CIAPIN1: variants seen among roughly 807,000 people sequenced by gnomAD.
CIAPIN1 encodes the protein cytokine induced apoptosis inhibitor 1, also known as anamorsin.
CIAPIN1 carries 18 observed loss-of-function variants against 34.3 expected under a neutral mutation model. The observed-to-expected ratio is 0.52, with a 90% CI of 0.36 to 0.78. CIAPIN1 has a LOEUF of 0.78. Among genes scored for constraint, CIAPIN1 ranks in the 30% least tolerant of loss-of-function variants. The pLI is 0.00. For synonymous variants in CIAPIN1, 131 were observed against 140.4 expected (o/e 0.93, Z 0.47); for missense variants, 310 against 372.5 (o/e 0.83, Z 1.38).
intron 1 of CIAPIN1, among the ~76,000 whole-genome samples, chr16:57,442,277 T>C (rs1903349415): frequency 6.6e-6 from 1 of 151,930 alleles, no homozygotes; most frequent in African/African-American, 2.4e-5. Flanking sequence ...ACCTGGGAGA[T>C]GGAGGTTGCA....
At chr16:57,441,504 A>G (rs560640190) in intron 1 of CIAPIN1, 2 of 152,404 alleles carry the variant, frequency 1.3e-5, no homozygotes, top group South Asian at 4.1e-4. Flanking sequence ...AATACTTACT[A>G]TGTCTGTACC....
intron 4 of CIAPIN1, among the ~76,000 whole-genome samples, chr16:57,435,520 G>T (rs1215221696): frequency 6.6e-6 from 1 of 152,140 alleles, no homozygotes; most frequent in Non-Finnish European, 1.5e-5. Flanking sequence ...AGAATCTAAG[G>T]CCTGGCTCAC....
chr16:57,434,341 C>T, intron 4 of CIAPIN1, 129 bp from the exon 5 acceptor site: 1 of 777,876 alleles, frequency 1.3e-6, no homozygotes, highest in East Asian at 2.6e-5. Context: ...TAACAGATAA[C>T]ACTTTATGCC....
At chr16:57,441,084 T>G in intron 1 of CIAPIN1, 101 bp from the exon 2 acceptor site, 4 of 671,334 alleles carry the variant, frequency 6.0e-6, no homozygotes, top group South Asian at 2.1e-5. Flanking sequence ...GCTGACAACA[T>G]TAGAAACTCT....
intron 1 of CIAPIN1, among the ~76,000 whole-genome samples, chr16:57,446,186 C>G (rs1284813037): frequency 6.6e-6 from 1 of 152,082 alleles, no homozygotes; most frequent in African/African-American, 2.4e-5. Flanking sequence ...AGGAACGTCT[C>G]CAGGCATTTG....
chr16:57,434,585 A>T (rs1282319505), intron 4 of CIAPIN1, among the ~76,000 whole-genome samples: 1 of 152,194 alleles, frequency 6.6e-6, no homozygotes, highest in African/African-American at 2.4e-5. Context: ...CAAAAGAAAA[A>T]GGGGGAGGAA....
At chr16:57,436,568 A>C in intron 4 of CIAPIN1, 88 bp downstream of exon 4, 1 of 1,015,272 alleles carries the variant, frequency 9.8e-7, no homozygotes, top group Non-Finnish European at 1.5e-6. Flanking sequence ...CATGTATCTT[A>C]CATGCACAGC....
intron 3 of CIAPIN1, 151 bp from the exon 4 acceptor site, chr16:57,436,883 C>A: frequency 2.0e-6 from 1 of 490,244 alleles, no homozygotes; most frequent in East Asian, 3.8e-5. Context: ...CTTTGGGAGG[C>A]TGAGGTGGAC....
At chr16:57,433,168 C>T (rs1362700679) in intron 5 of CIAPIN1, among the ~76,000 whole-genome samples, 2 of 152,214 alleles carry the variant, frequency 1.3e-5, no homozygotes, top group African/African-American at 4.8e-5. Context: ...ACAAACCTCA[C>T]ACTTCCTGGT....
intron 2 of CIAPIN1, among the ~76,000 whole-genome samples, chr16:57,440,232 A>T (rs777196838): frequency 5.3e-5 from 8 of 152,194 alleles, no homozygotes; most frequent in Non-Finnish European, 1.0e-4. Flanking sequence ...TTTTAGTCAG[A>T]CCAGCTGTCT....
intron 6 of CIAPIN1, among the ~76,000 whole-genome samples, chr16:57,431,869 A>G (rs1391317271): frequency 2.0e-5 from 3 of 152,236 alleles, no homozygotes; most frequent in Non-Finnish European, 4.4e-5. Context: ...AGCATGGAAC[A>G]GTCAGCAACT....
At chr16:57,435,979 A>G (rs1036008842) in intron 4 of CIAPIN1, among the ~76,000 whole-genome samples, 4 of 152,334 alleles carry the variant, frequency 2.6e-5, no homozygotes, top group Admixed American at 1.3e-4. Flanking sequence ...TTGTCAGAAA[A>G]GGAACTTTGC....
rs1228327757 is a variant in CIAPIN1 at position 57,440,785 on chromosome 16, C to T, written c.144G>A (p.Lys48=). The change falls in exon 2 of 9, where the codon AAG becomes AAA. Residue 48 remains lysine, a synonymous_variant. Coordinates refer to ENST00000394391, the MANE Select transcript of CIAPIN1 (RefSeq NM_020313.4). ...NEGRVSVENI[K]QLLQSAHKES... ...GTGGGTACTTACATTGCAACAGCTG[C>T]TTGATGTTTTCCACAGACACGCGGC... is the stretch of plus-strand genomic sequence containing the variant. 6.2e-7 allele frequency: 1 copy of T among 1,612,686 alleles called. No individual in the cohort carries two copies. Among genetic ancestry groups the T allele is most frequent in the South Asian group, 1.1e-5 (1 of 90,894 alleles).
At chr16:57,436,528 G>C (rs1344538556) in intron 4 of CIAPIN1, 128 bp downstream of exon 4, 2 of 568,512 alleles carry the variant, frequency 3.5e-6, no homozygotes, top group Non-Finnish European at 5.9e-6. Context: ...ACACCCGGCC[G>C]ATTCTCCCAA....
intron 7 of CIAPIN1, 39 bp downstream of exon 7, chr16:57,431,112 G>C: frequency 7.8e-7 from 1 of 1,285,676 alleles, no homozygotes; most frequent in African/African-American, 1.5e-5. Flanking sequence ...TGAAGCCACT[G>C]GAGGCAGCAT....
intron 6 of CIAPIN1, chr16:57,431,576 G>A: frequency 5.1e-6 from 1 of 196,208 alleles, no homozygotes. Context: ...GGCAGGAGTG[G>A]GGAGAAGGGA....
rs756800728 is a variant in CIAPIN1, at chr16:57,439,182, CT to C, written c.309del (p.Asp104IlefsTer6). 4 of 1,613,178 alleles carry C rather than the reference CT, an allele frequency of 2.5e-6. No homozygotes were observed. The African/African-American group carries it at 5.3e-5, about 22-fold the overall frequency. Reference sequence around the variant, plus strand: ...GTTTTCCAAGTGAAGATCTCCTTACCTACAGCTGTCTCTACTGGCTCCTTCA... The same window carrying C: ...GTTTTCCAAGTGAAGATCTCCTTACCACAGCTGTCTCTACTGGCTCCTTCA... ...LFLKEPVETAVDNNSKVKTAS... is the reference protein window; with the variant it reads ...LFLKEPVETAXDNNSKVKTAS... On this transcript the variant is annotated frameshift_variant and splice_region_variant, in exon 3 of 9. Transcript: ENST00000394391. LOFTEE classifies it high-confidence loss of function.
At chr16:57,433,546 T>C (rs944188692) in intron 5 of CIAPIN1, 23 of 181,490 alleles carry the variant, frequency 1.3e-4, no homozygotes, top group African/African-American at 5.1e-4. Context: ...TGTGTGTGCG[T>C]GCGCGTGCGT....
At chr16:57,429,307 G>C in intron 8 of CIAPIN1, 27 bp from the exon 9 acceptor site, 1 of 1,499,818 alleles carries the variant, frequency 6.7e-7, no homozygotes, top group African/African-American at 1.4e-5. Flanking sequence ...GGGAAGCCAA[G>C]GGTCAGCTTA....
Sources: gnomAD v4.1 joint callset for allele counts (sites outside exome capture counted in the v4.1 genomes callset) on GRCh38, gnomAD v4.1.1 for gene constraint, MANE v1.5 for transcripts, NCBI Gene and HGNC (gene_info 2026-07-23, HGNC 2026-07-21) for gene names.